Variants in WFDC3 observed in about 807,000 individuals in gnomAD.
WFDC3 encodes WAP four-disulfide core domain 3, also known as WAP four-disulfide core domain protein 3.
Under a neutral mutation model 25.8 loss-of-function variants are expected in WFDC3, and 15 were observed. The observed-to-expected ratio is 0.58, with a 90% confidence interval of 0.39 to 0.89. The LOEUF (loss-of-function observed/expected upper bound fraction) is 0.89, where lower values mean the gene tolerates loss of function less well. Ranked by LOEUF, WFDC3 falls within the 40% of genes least tolerant of loss-of-function variation. The pLI, the probability that WFDC3 is intolerant of heterozygous loss-of-function variation, is 0.00. For synonymous variants in WFDC3, 103 were observed against 107.1 expected (o/e 0.96, Z 0.24); for missense variants, 264 against 289.8 (o/e 0.91, Z 0.65).
At chr20:45,779,318 G>A (rs1429092640) in intron 4 of WFDC3, among the ~76,000 whole-genome samples, 1 of 152,230 alleles carries the variant, frequency 6.6e-6, no homozygotes, top group African/African-American at 2.4e-5. Flanking sequence ...GTGCCTCTGA[G>A]TAGGAACAGG....
intron 2 of WFDC3, 83 bp from the exon 3 acceptor site, chr20:45,789,142 C>G: frequency 6.4e-7 from 1 of 1,561,088 alleles, no homozygotes; most frequent in East Asian, 2.3e-5. Context: ...CCAGGCATCT[C>G]TATCCAAAAT....
intron 5 of WFDC3, among the ~76,000 whole-genome samples, chr20:45,776,634 AAAT>A (rs1246687368): frequency 1.4e-3 from 94 of 68,810 alleles, no homozygotes; most frequent in African/African-American, 2.9e-3. Context: ...AAAAAAAAAA[AAAT>A]ATATATATAT....
intron 3 of WFDC3, 92 bp from the exon 4 acceptor site, chr20:45,788,074 C>T (rs983206507): frequency 4.3e-6 from 6 of 1,397,936 alleles, no homozygotes; most frequent in Admixed American, 2.5e-5. Flanking sequence ...GAGGCCAAGG[C>T]GGGTGGATCA....
chr20:45,780,167 C>T (rs993635077), intron 4 of WFDC3, among the ~76,000 whole-genome samples: 6 of 150,452 alleles, frequency 4.0e-5, no homozygotes, highest in South Asian at 4.2e-4. Context: ...CTCTTGAACT[C>T]CTGGGCTCAA....
intron 4 of WFDC3, chr20:45,778,711 G>A (rs2145683098): frequency 6.6e-6 from 1 of 152,304 alleles, no homozygotes; most frequent in African/African-American, 2.4e-5. Context: ...TTGTATGAAA[G>A]GAGAGAAGGT....
intron 4 of WFDC3, among the ~76,000 whole-genome samples, chr20:45,781,256 C>T (rs1980432356): frequency 1.5e-5 from 2 of 136,098 alleles, no homozygotes; most frequent in Admixed American, 1.4e-4. Flanking sequence ...CTCAAACACA[C>T]ACATAGACAC....
At chr20:45,780,746 G>A (rs900353647) in intron 4 of WFDC3, among the ~76,000 whole-genome samples, 2 of 152,182 alleles carry the variant, frequency 1.3e-5, no homozygotes, top group Non-Finnish European at 2.9e-5. Context: ...CTATGTCTGA[G>A]AGAAAGATGC....
At position 45,777,087 on chromosome 20, in the gene WFDC3, C is replaced by A; in HGVS notation, c.481G>T (p.Asp161Tyr). 6.2e-7 allele frequency: 1 copy of A among 1,612,830 alleles called. No individual in the cohort carries two copies. The highest frequency in any genetic ancestry group is 8.5e-7 in the Non-Finnish European group (1 of 1,179,594). The stretch of plus-strand genomic sequence containing the variant: ...AGAGCCAACATACCTCCCTCAATGT[C>A]TCCGAGGCAGGTGCGGCCACAGCCG... ...STGCGRTCLG[D>Y]IEGGRGGDCP... The change falls in exon 5 of 7, where the codon GAC (aspartate) becomes TAC (tyrosine). Residue 161 changes from aspartate to tyrosine, a missense_variant. Transcript: ENST00000243938.
chr20:45,783,184 G>A (rs1028830340), intron 4 of WFDC3, among the ~76,000 whole-genome samples: 2 of 152,182 alleles, frequency 1.3e-5, no homozygotes, highest in African/African-American at 4.8e-5. Context: ...ATGAATAAGT[G>A]GGTGAGTAAA....
chr20:45,791,725 C>T (rs1981002991), intron 1 of WFDC3, 107 bp downstream of exon 1: 2 of 331,264 alleles, frequency 6.0e-6, no homozygotes, highest in Non-Finnish European at 1.1e-5. Flanking sequence ...CATCCCCAGG[C>T]CTTGGCCCAG....
chr20:45,785,213 G>A lies in WFDC3; in HGVS notation c.358+2623C>T, dbSNP rs73621002. On this transcript the variant is annotated intron_variant, in intron 4 of 6. Transcript: ENST00000243938. ...AGGCCAGGCACAGTGGCTCATGCCT[G>A]TAATCCCAGCATTTTGGGAGCCAAG... Among the ~76,000 whole-genome samples the A allele has an allele frequency of 2.5e-3, 386 of 152,292 alleles. 2 individuals carry two copies. The highest frequency in any genetic ancestry group is 8.6e-3 in the African/African-American group (356 of 41,562).
At chr20:45,782,030 T>C (rs1018618369) in intron 4 of WFDC3, among the ~76,000 whole-genome samples, 1 of 152,162 alleles carries the variant, frequency 6.6e-6, no homozygotes, top group African/African-American at 2.4e-5. Context: ...AATACATATA[T>C]GTTAATAAGC....
intron 6 of WFDC3, 104 bp from the exon 7 acceptor site, chr20:45,774,548 A>G: frequency 6.7e-7 from 1 of 1,498,756 alleles, no homozygotes; most frequent in Non-Finnish European, 9.2e-7. Flanking sequence ...ATTGCTCTCA[A>G]AAGTCTTAAA....
chr20:45,779,172 C>T (rs1980329013), intron 4 of WFDC3, among the ~76,000 whole-genome samples: 2 of 152,182 alleles, frequency 1.3e-5, no homozygotes, highest in African/African-American at 4.8e-5. Flanking sequence ...GCAGGCACAC[C>T]CAAAGAAGGC....
chr20:45,787,824 A>G lies in WFDC3; in HGVS notation c.358+12T>C, dbSNP rs1169148669. 1 of 1,609,714 alleles carries G rather than the reference A, an allele frequency of 6.2e-7. No homozygotes were observed. Among genetic ancestry groups the G allele is most frequent in the East Asian group, 2.2e-5 (1 of 44,812 alleles). The stretch of plus-strand genomic sequence containing the variant: ...CAAACAGACCATGAGGTGTGGGGAC[A>G]GCGTTTCTTACCCAGCTTCTGTTTA... On this transcript the variant is annotated intron_variant, in intron 4 of 6. Coordinates refer to ENST00000243938, the MANE Select transcript of WFDC3 (RefSeq NM_080614.2).
At chr20:45,784,389 A>C (rs934257897) in intron 4 of WFDC3, among the ~76,000 whole-genome samples, 2 of 152,216 alleles carry the variant, frequency 1.3e-5, no homozygotes, top group Non-Finnish European at 2.9e-5. Context: ...TCAGGTTCTG[A>C]GAGGAAGTGA....
chr20:45,783,479 G>C (rs558157317), intron 4 of WFDC3, among the ~76,000 whole-genome samples: 16 of 151,884 alleles, frequency 1.1e-4, no homozygotes, highest in Admixed American at 2.6e-4. Context: ...CCTTGTCCCA[G>C]ATAAATAAAT....
intron 6 of WFDC3, among the ~76,000 whole-genome samples, chr20:45,774,732 A>C (rs1045323472): frequency 1.3e-5 from 2 of 152,150 alleles, no homozygotes; most frequent in Non-Finnish European, 2.9e-5. Context: ...ACCTGAGATC[A>C]GGAGCTCGAG....
At chr20:45,775,131 A>G (rs908565804) in intron 6 of WFDC3, among the ~76,000 whole-genome samples, 9 of 151,758 alleles carry the variant, frequency 5.9e-5, no homozygotes, top group Non-Finnish European at 1.2e-4. Flanking sequence ...AAGCACCTCA[A>G]TCAAATCCCA....
Sources: allele counts gnomAD v4.1 joint callset (sites outside exome capture counted in the v4.1 genomes callset), GRCh38; gene constraint gnomAD v4.1.1; transcripts MANE v1.5; gene names NCBI Gene and HGNC (gene_info 2026-07-23, HGNC 2026-07-21).